FBXO34: variants seen among roughly 807,000 people sequenced by gnomAD.
FBXO34 encodes F-box only protein 34.
A neutral mutation model predicts 24.5 loss-of-function variants in FBXO34; 12 were observed. The observed-to-expected ratio is 0.49, with a 90% CI of 0.31 to 0.79. The LOEUF is 0.79. Among genes scored for constraint, FBXO34 ranks in the 30% least tolerant of loss-of-function variants. FBXO34 has a pLI of 0.04. For missense variants in FBXO34, 823 were observed against 857.7 expected (o/e 0.96, Z 0.51); for synonymous variants, 320 against 311.9 (o/e 1.03, Z -0.27).
At chr14:55,388,384 T>C in the FBXO34 span, among the ~76,000 whole-genome samples, 1 of 152,210 alleles carries the variant, frequency 6.6e-6, no homozygotes, top group Non-Finnish European at 1.5e-5. Flanking sequence ...TCACCTCATC[T>C]GCACCCAGTG....
the FBXO34 span, among the ~76,000 whole-genome samples, chr14:55,404,966 A>G: frequency 6.6e-6 from 1 of 152,192 alleles, no homozygotes; most frequent in Non-Finnish European, 1.5e-5. Flanking sequence ...AAAACCTTTT[A>G]TAAGTTCTAA....
rs1012895534 is a variant in FBXO34 at position 55,343,600 on chromosome 14, C to G, written c.-10-6781C>G. Among the ~76,000 whole-genome samples, 3 of 152,140 alleles carry G rather than the reference C, an allele frequency of 2.0e-5. No individual in the cohort carries two copies. The East Asian group carries it at 5.8e-4, about 29-fold the overall frequency. ...GAGTGGCTCTTATGCTAATAAGTGA[C>G]TCCTTTTTGGAATTAGCATTCCTGT... On this transcript the variant is annotated intron_variant, in intron 1 of 1. Transcript: ENST00000313833.
chr14:55,330,594 G>C (rs113033175), intron 1 of FBXO34, among the ~76,000 whole-genome samples: 8,822 of 151,840 alleles, frequency 0.058, 325 homozygotes, highest in South Asian at 0.089. Flanking sequence ...GACCAGCCTG[G>C]GTAACATAGT....
the FBXO34 span, among the ~76,000 whole-genome samples, chr14:55,428,114 C>CTTTTT: frequency 2.2e-5 from 2 of 91,992 alleles, no homozygotes; most frequent in Non-Finnish European, 4.7e-5. Context: ...TTTCACATGC[C>CTTTTT]TTATCTTTTT....
chr14:55,297,003 A>G (rs1162394173), intron 1 of FBXO34, among the ~76,000 whole-genome samples: 1 of 152,196 alleles, frequency 6.6e-6, no homozygotes, highest in African/African-American at 2.4e-5. Context: ...GGAGTAAATT[A>G]GAATCTACAA....
chr14:55,411,483 C>G, the FBXO34 span: 4 of 994,536 alleles, frequency 4.0e-6, no homozygotes, highest in Non-Finnish European at 5.9e-6. Flanking sequence ...CACTCCCTCT[C>G]TCTCGCTCCT....
the FBXO34 span, chr14:55,411,954 T>C: frequency 5.0e-6 from 4 of 806,452 alleles, no homozygotes; most frequent in Non-Finnish European, 7.7e-6. Context: ...CGCCGCGTGT[T>C]CCTGTCCCGG....
the FBXO34 span, among the ~76,000 whole-genome samples, chr14:55,441,288 C>T: frequency 6.6e-6 from 1 of 152,262 alleles, no homozygotes; most frequent in South Asian, 2.1e-4. Context: ...GAATTACAGG[C>T]GGGTGCCACC....
intron 1 of FBXO34, among the ~76,000 whole-genome samples, chr14:55,336,976 TTTA>T (rs1414735024): frequency 4.1e-5 from 3 of 73,588 alleles, no homozygotes; most frequent in Non-Finnish European, 6.1e-5. Flanking sequence ...TTTTTTTTAT[TTTA>T]TTTTTTTTTT....
Position 55,353,495 on chromosome 14 carries a change from TG to T in FBXO34, c.*970del, listed in dbSNP as rs144497401. 2.0e-3 allele frequency: 327 copies of T among 167,244 alleles called. 2 individuals carry two copies. Among genetic ancestry groups the T allele is most frequent in the South Asian group, 3.7e-3 (18 of 4,826 alleles). 10.4% of individuals were successfully genotyped at this position (167,244 alleles called of 1,614,324 possible). On this transcript the variant is annotated 3_prime_UTR_variant, in exon 2 of 2. Coordinates refer to ENST00000313833, the MANE Select transcript of FBXO34 (RefSeq NM_017943.4). Reference sequence around the variant, plus strand: ...AAAACAATCCTTTGTTATATTTTAGTGATCCACAAGATTGAGAAAATATTAT... The same window carrying T: ...AAAACAATCCTTTGTTATATTTTAGTATCCACAAGATTGAGAAAATATTAT...
intron 1 of FBXO34, among the ~76,000 whole-genome samples, chr14:55,287,907 G>C (rs1379490038): frequency 6.6e-6 from 1 of 152,182 alleles, no homozygotes; most frequent in Non-Finnish European, 1.5e-5. Flanking sequence ...TTTTTTTGCT[G>C]TGTTAACAAT....
chr14:55,356,976 T>A (rs1365781017), downstream of FBXO34, among the ~76,000 whole-genome samples: 2 of 152,176 alleles, frequency 1.3e-5, no homozygotes, highest in Non-Finnish European at 2.9e-5. Flanking sequence ...ATCTGATTGC[T>A]TTTATCCCCG....
chr14:55,334,305 C>A (rs1883697721), intron 1 of FBXO34, among the ~76,000 whole-genome samples: 2 of 152,190 alleles, frequency 1.3e-5, no homozygotes, highest in South Asian at 4.1e-4. Flanking sequence ...TGCTTGCTGA[C>A]TGGCTGGTTT....
At chr14:55,430,767 C>T in the FBXO34 span, among the ~76,000 whole-genome samples, 2 of 152,198 alleles carry the variant, frequency 1.3e-5, no homozygotes. Flanking sequence ...TCTCTTCACC[C>T]ACTTCTCACT....
At chr14:55,436,494 G>T in the FBXO34 span, 1 of 1,329,136 alleles carries the variant, frequency 7.5e-7, no homozygotes, top group Non-Finnish European at 1.1e-6. Context: ...GAAATTAGTT[G>T]TCATCGCATT....
In FBXO34 at chr14:55,311,716, C is replaced by CT. The variant is rs1006797189; in HGVS notation, c.-10-38657dup. On this transcript the variant is annotated intron_variant, in intron 1 of 1. Coordinates refer to ENST00000313833, the MANE Select transcript of FBXO34 (RefSeq NM_017943.4). ...AATCTGGCTGGGCAGTCATTAAATC[C>CT]TTTTTTTTATTTTGTTGTTTGTTTT... 1.4e-4 allele frequency among the ~76,000 whole-genome samples: 21 copies of CT among 151,910 alleles called. No homozygotes were observed. The East Asian group carries it at 1.6e-3, about 11-fold the overall frequency.
exon 3 of FBXO34, chr14:55,367,464 C>G (rs922955698): frequency 6.6e-6 from 1 of 152,142 alleles, no homozygotes; most frequent in Non-Finnish European, 1.5e-5. Flanking sequence ...CATAAGGGGC[C>G]GGGCGCGGTG....
chr14:55,305,096 T>G (rs1882492981), intron 1 of FBXO34, among the ~76,000 whole-genome samples: 1 of 152,144 alleles, frequency 6.6e-6, no homozygotes, highest in Non-Finnish European at 1.5e-5. Flanking sequence ...TGATTGGAAT[T>G]GCAACTGAAA....
At chr14:55,393,825 A>G in the FBXO34 span, among the ~76,000 whole-genome samples, 1 of 152,060 alleles carries the variant, frequency 6.6e-6, no homozygotes, top group Non-Finnish European at 1.5e-5. Context: ...CTGGGATTAC[A>G]GGGCATCCAC....
Sources: allele counts gnomAD v4.1 joint callset (sites outside exome capture counted in the v4.1 genomes callset), GRCh38; gene constraint gnomAD v4.1.1; transcripts MANE v1.5; gene names NCBI Gene and HGNC (gene_info 2026-07-23, HGNC 2026-07-21).